YAE1: variants seen among roughly 807,000 people sequenced by gnomAD.
YAE1 encodes the protein protein YAE1 homolog.
A neutral mutation model predicts 23.0 loss-of-function variants in YAE1; 22 were observed. The observed-to-expected ratio is 0.96, with a 90% CI of 0.68 to 1.37. The LOEUF is 1.37. YAE1 is among the 40% of genes most tolerant of loss of function. YAE1 has a pLI of 0.00. For synonymous variants in YAE1, 101 were observed against 97.0 expected, an observed-to-expected ratio of 1.04 and a Z score of -0.24; for missense variants, 260 against 262.1, an observed-to-expected ratio of 0.99 and a Z score of 0.06.
At chr7:39,598,593 A>G (rs191155776) in intron 2 of YAE1, among the ~76,000 whole-genome samples, 168 of 151,990 alleles carry the variant, frequency 1.1e-3, no homozygotes, top group Non-Finnish European at 1.7e-3. Flanking sequence ...CCTGGGCAAC[A>G]TGGCAAAACT....
intron 2 of YAE1, among the ~76,000 whole-genome samples, chr7:39,595,554 T>TA (rs949638046): frequency 1.3e-5 from 2 of 152,200 alleles, no homozygotes; most frequent in Admixed American, 6.5e-5. Flanking sequence ...AAATGGCTTT[T>TA]AAAAAACAAT....
At chr7:39,581,790 T>G (rs1028612443) in intron 2 of YAE1, among the ~76,000 whole-genome samples, 2 of 151,814 alleles carry the variant, frequency 1.3e-5, no homozygotes, top group Non-Finnish European at 2.9e-5. Context: ...AAGGATGGCT[T>G]AAGCCCAGGA....
intron 2 of YAE1, among the ~76,000 whole-genome samples, chr7:39,588,505 A>C (rs1195902044): frequency 6.6e-6 from 1 of 150,534 alleles, no homozygotes; most frequent in Non-Finnish European, 1.5e-5. Context: ...CCATCTCAAA[A>C]AAAAAAAAAA....
At chr7:39,596,650 G>A (rs1010161549) in intron 2 of YAE1, among the ~76,000 whole-genome samples, 2 of 152,094 alleles carry the variant, frequency 1.3e-5, no homozygotes, top group Non-Finnish European at 2.9e-5. Flanking sequence ...ACCATTTTCT[G>A]TGCTCCCTGT....
At chr7:39,584,599 T>C (rs1488737360) in intron 2 of YAE1, among the ~76,000 whole-genome samples, 1 of 152,220 alleles carries the variant, frequency 6.6e-6, no homozygotes, top group Non-Finnish European at 1.5e-5. Context: ...GGGATGGCAC[T>C]GTGTCCAAGA....
intron 2 of YAE1, among the ~76,000 whole-genome samples, chr7:39,593,177 CTTTTTTTT>C (rs56303591): frequency 1.2e-4 from 9 of 72,110 alleles, no homozygotes; most frequent in African/African-American, 3.5e-4. Context: ...TTGGTTATTT[CTTTTTTTT>C]TTTTTTTTTT....
At position 39,572,671 on chromosome 7, in the gene YAE1, T is replaced by C. The variant is rs201889258; in HGVS notation, c.646T>C (p.Ser216Pro). ...TASLVKQLGL[S>P]VDVLQHLKQL The stretch of plus-strand genomic sequence containing the variant: ...CAGTTTAGTTAAACAGCTGGGCCTA[T>C]CAGTAGATGTATTACAACACCTCAA... Residue 216 changes from serine to proline, a missense_variant, in exon 3 of 3, where the codon TCA (serine) becomes CCA (proline). Physicochemically the swap from Ser to Pro is moderately conservative, Grantham distance 74. Transcript: ENST00000223273. 2.7e-5 allele frequency: 44 copies of C among 1,606,506 alleles called. No homozygotes were observed. The East Asian group carries it at 8.9e-4, about 33-fold the overall frequency.
At chr7:39,599,957 T>G (rs996467378) in intron 2 of YAE1, among the ~76,000 whole-genome samples, 2 of 152,200 alleles carry the variant, frequency 1.3e-5, no homozygotes, top group African/African-American at 4.8e-5. Flanking sequence ...TCAACAAATA[T>G]TGGCCATTAT....
intron 2 of YAE1, among the ~76,000 whole-genome samples, chr7:39,571,568 A>C (rs1482160730): frequency 6.6e-6 from 1 of 152,222 alleles, no homozygotes; most frequent in Non-Finnish European, 1.5e-5. Context: ...GTAGGAAAAC[A>C]ATGTGAATAT....
At chr7:39,581,270 C>A (rs963982190) in intron 2 of YAE1, among the ~76,000 whole-genome samples, 1 of 152,174 alleles carries the variant, frequency 6.6e-6, no homozygotes, top group Non-Finnish European at 1.5e-5. Context: ...ATCTATGTAA[C>A]ATGGCTTTGT....
Position 39,568,753 on chromosome 7 carries a change from G to A in YAE1, c.130-1753G>A, listed in dbSNP as rs193128894. Among the ~76,000 whole-genome samples the A allele has an allele frequency of 1.6e-3, 250 of 152,234 alleles. 1 individual carries two copies. The highest frequency in any genetic ancestry group is 5.9e-3 in the African/African-American group (245 of 41,550). ...TACAAGAGAAAATCAACCTTTATTGGAATCGAGAGAATACCATGGACTTTA... is the reference window on the plus strand; with the variant it reads ...TACAAGAGAAAATCAACCTTTATTGAAATCGAGAGAATACCATGGACTTTA... On this transcript the variant is annotated intron_variant, in intron 1 of 2. Transcript: ENST00000223273.
At chr7:39,575,170 CAGACATT>C (rs535570393), downstream of YAE1, among the ~76,000 whole-genome samples, 20 of 152,344 alleles carry the variant, frequency 1.3e-4, no homozygotes, top group East Asian at 3.3e-3. Context: ...GCCCAGAACC[CAGACATT>C]AGACTGAGTG....
At chr7:39,611,562 A>G (rs1791218626), downstream of YAE1, among the ~76,000 whole-genome samples, 1 of 152,108 alleles carries the variant, frequency 6.6e-6, no homozygotes, top group Non-Finnish European at 1.5e-5. Flanking sequence ...GGTTCCCCCA[A>G]ATTATTTTGA....
intron 2 of YAE1, among the ~76,000 whole-genome samples, chr7:39,603,457 T>C (rs1164543715): frequency 1.3e-5 from 2 of 152,132 alleles, no homozygotes; most frequent in Non-Finnish European, 2.9e-5. Context: ...AGTTTTGATA[T>C]GCAAAAGTAA....
rs1050922007 is a variant in YAE1, at chr7:39,572,772, G to A, written c.*66G>A. The A allele has an allele frequency of 9.3e-6, 14 of 1,507,942 alleles. No individual in the cohort carries two copies. The African/African-American group carries it at 1.5e-4, about 17-fold the overall frequency. 93.4% of individuals were successfully genotyped at this position (1,507,942 alleles called of 1,614,324 possible). A position where few individuals can be genotyped will look rare whatever the true frequency, so the allele number is the denominator to read the frequency against. ...TTTGGTTTCCTAACAATCGAAATTTGTACTGGTTTCTGCATCAAACACCTC... is the reference window on the plus strand; with the variant it reads ...TTTGGTTTCCTAACAATCGAAATTTATACTGGTTTCTGCATCAAACACCTC... On this transcript the variant is annotated 3_prime_UTR_variant, in exon 3 of 3. Transcript: ENST00000223273.
chr7:39,573,850 G>A (rs748716), downstream of YAE1, among the ~76,000 whole-genome samples: 53,382 of 151,940 alleles, frequency 0.35, 9,930 homozygotes, highest in Admixed American at 0.44. Flanking sequence ...TAAAACCCCC[G>A]CTGAAGATAC....
downstream of YAE1, among the ~76,000 whole-genome samples, chr7:39,575,575 A>AGAGAGAGAGAGAGAGT (rs1339594299): frequency 4.9e-5 from 4 of 81,788 alleles, no homozygotes; most frequent in African/African-American, 2.9e-4. Flanking sequence ...AGAGAGAGAG[A>AGAGAGAGAGAGAGAGT]GAGTGAGTGT....
At chr7:39,571,823 T>A (rs528337883) in intron 2 of YAE1, among the ~76,000 whole-genome samples, 40 of 152,324 alleles carry the variant, frequency 2.6e-4, no homozygotes, top group African/African-American at 9.1e-4. Flanking sequence ...TTCTTTTCTC[T>A]AACCTTCATT....
chr7:39,566,741 T>G (rs1790475302), intron 1 of YAE1, 194 bp downstream of exon 1: 2 of 729,804 alleles, frequency 2.7e-6, no homozygotes, highest in South Asian at 4.0e-5. Context: ...GACGCATTCT[T>G]TGAGCGCCTA....
Sources: gnomAD v4.1 joint callset for allele counts (sites outside exome capture counted in the v4.1 genomes callset) on GRCh38, gnomAD v4.1.1 for gene constraint, MANE v1.5 for transcripts, NCBI Gene and HGNC (gene_info 2026-07-23, HGNC 2026-07-21) for gene names.